Variants in LRP1 observed in about 807,000 individuals in gnomAD.
LRP1 encodes the protein LDL receptor related protein 1.
LRP1 carries 51 observed loss-of-function variants against 541.5 expected under a neutral mutation model. That is an observed-to-expected ratio of 0.09 (90% CI 0.08 to 0.12). The LOEUF (loss-of-function observed/expected upper bound fraction) is 0.12, where lower values mean the gene tolerates loss of function less well. Among genes scored for constraint, LRP1 ranks in the 10% least tolerant of loss-of-function variants. The pLI is 1.00. For missense variants in LRP1, 3,878 were observed against 6,376.2 expected (o/e 0.61, Z 13.34); for synonymous variants, 2,219 against 2,470.8 (o/e 0.90, Z 3.02).
In LRP1 at chr12:57,212,560, C is replaced by G; in HGVS notation, c.*5C>G. On this transcript the variant is annotated 3_prime_UTR_variant, in exon 89 of 89. Coordinates refer to ENST00000243077, the MANE Select transcript of LRP1 (RefSeq NM_002332.3). This position sits in a 1 kb window ranked among gnomAD's most constrained non-coding sequence, Gnocchi z 5.0. ...ATAGGGGACCCCTTGGCATAGGGCC[C>G]TGCCCCGTCGGACTGCCCCCAGAAA... 1 of 1,584,958 alleles carries G rather than the reference C, an allele frequency of 6.3e-7. No individual in the cohort carries two copies. Among genetic ancestry groups the G allele is most frequent in the Non-Finnish European group, 8.6e-7 (1 of 1,164,516 alleles).
intron 55 of LRP1, 35 bp downstream of exon 55, chr12:57,196,312 C>G (rs766741688): frequency 2.7e-6 from 4 of 1,503,792 alleles, no homozygotes; most frequent in Admixed American, 4.3e-5. Context: ...TTCCACACCC[C>G]AGACGTGCCA....
At position 57,208,213 on chromosome 12, in the gene LRP1, G is replaced by A. The variant is rs2036828264; in HGVS notation, c.12035G>A (p.Arg4012Lys). 6.8e-6 allele frequency: 11 copies of A among 1,613,240 alleles called. No individual in the cohort carries two copies. Among genetic ancestry groups the A allele is most frequent in the Non-Finnish European group, 5.9e-6 (7 of 1,179,662 alleles). ...EPHAIVVDPL[R>K]GTMYWSDWGN... ...CACGCCATTGTGGTGGACCCACTGA[G>A]GGGGTGGGCAAGGGCCCTGGGGGGA... The change falls in exon 77 of 89, where the codon AGG becomes AAG. Residue 4012 changes from arginine (R) to lysine (K), a missense_variant. By Grantham distance (26) the Arg-to-Lys change is conservative (BLOSUM62 2). Transcript: ENST00000243077.
Position 57,138,472 on chromosome 12 carries a change from C to T in LRP1, c.81C>T (p.Cys27=), listed in dbSNP as rs1184265713. 6.2e-7 allele frequency: 1 copy of T among 1,613,908 alleles called. No individual in the cohort carries two copies. The highest frequency in any genetic ancestry group is 8.5e-7 in the Non-Finnish European group (1 of 1,179,894). Residue 27 remains cysteine, a synonymous_variant, in exon 2 of 89, where the codon TGC becomes TGT. Transcript: ENST00000243077. ...VAAAIDAPKT[C]SPKQFACRDQ... is the part of the protein sequence containing the mutation. ...TCCTTGCCCTAGCCCCTAAGACTTG[C>T]AGCCCCAAGCAGTTTGCCTGCAGAG...
chr12:57,196,187 G>A lies in LRP1; in HGVS notation c.8802G>A (p.Ser2934=), dbSNP rs377543606. 20 of 1,612,292 alleles carry A rather than the reference G, an allele frequency of 1.2e-5. No individual in the cohort carries two copies. Among genetic ancestry groups the A allele is most frequent in the Admixed American group, 8.3e-5 (5 of 59,998 alleles). Residue 2934 remains serine (S), a synonymous_variant, in exon 55 of 89, where the codon TCG becomes TCA. Coordinates refer to ENST00000243077, the MANE Select transcript of LRP1 (RefSeq NM_002332.3). The stretch of plus-strand genomic sequence containing the variant: ...GCCAGGATGACTGTGGCGACAGCTC[G>A]GACGAGCGTGGCTGCCACATCAATG... ...CNGQDDCGDS[S]DERGCHINEC...
Position 57,178,671 on chromosome 12 carries a change from T to G in LRP1, c.4606+68T>G. 6.2e-7 allele frequency: 1 copy of G among 1,603,040 alleles called. No individual in the cohort carries two copies. The highest frequency in any genetic ancestry group is 1.3e-5 in the African/African-American group (1 of 74,736). On this transcript the variant is annotated intron_variant, in intron 27 of 88. Coordinates refer to ENST00000243077, the MANE Select transcript of LRP1 (RefSeq NM_002332.3). The surrounding 1 kb of genome is among the most constrained non-coding windows in gnomAD (Gnocchi z 5.8). ...GCCTCTTTAGAAGCTGTAGAAGCTC[T>G]TAGGAGAGGAGAGGGCAGTGAGAAC...
chr12:57,183,959 G>A lies in LRP1; in HGVS notation c.5929+50G>A. 6.2e-7 allele frequency: 1 copy of A among 1,611,574 alleles called. No individual in the cohort carries two copies. Among genetic ancestry groups the A allele is most frequent in the Non-Finnish European group, 8.5e-7 (1 of 1,178,344 alleles). ...GCTTGGGGTGTGGCAGAGGACTGGG[G>A]GACGAAGTGAGAGGAGGAGTTGGCG... On this transcript the variant is annotated intron_variant, in intron 36 of 88. Coordinates refer to ENST00000243077, the MANE Select transcript of LRP1 (RefSeq NM_002332.3). The surrounding 1 kb of genome is among the most constrained non-coding windows in gnomAD (Gnocchi z 6.1).
At chr12:57,157,236 C>T (rs2035639602) in intron 10 of LRP1, among the ~76,000 whole-genome samples, 1 of 152,230 alleles carries the variant, frequency 6.6e-6, no homozygotes, top group Admixed American at 6.5e-5. Context: ...GATGTTGTCC[C>T]TGGCCTCATG....
Position 57,165,700 on chromosome 12 carries a change from T to C in LRP1, c.2531-105T>C. On this transcript the variant is annotated intron_variant, in intron 15 of 88. Coordinates refer to ENST00000243077, the MANE Select transcript of LRP1 (RefSeq NM_002332.3). The surrounding 1 kb of genome is among the most constrained non-coding windows in gnomAD (Gnocchi z 4.5). The stretch of plus-strand genomic sequence containing the variant: ...TTTTGTACTAGAAAAAATTACTTTG[T>C]ATTATTAAAAAATAGTAAAACAAAC... 1 of 1,171,674 alleles carries C rather than the reference T, an allele frequency of 8.5e-7. No individual in the cohort carries two copies. Among genetic ancestry groups the C allele is most frequent in the Non-Finnish European group, 1.2e-6 (1 of 828,380 alleles). The allele number at this position is 1,171,674 out of a possible 1,614,324, so 72.6% of individuals were successfully genotyped here.
chr12:57,212,125 G>A lies in LRP1; in HGVS notation c.13358G>A (p.Gly4453Asp), dbSNP rs2036931902. 3.7e-6 allele frequency: 6 copies of A among 1,613,934 alleles called. No homozygotes were observed. In the East Asian group the frequency reaches 1.3e-4, roughly 36 times the overall value. ...CTCCTGCCTTTCCCCAGGGCTAAGGGCTTCCAGCACCAACGGATGACCAAC... is the reference window on the plus strand; with the variant it reads ...CTCCTGCCTTTCCCCAGGGCTAAGGACTTCCAGCACCAACGGATGACCAAC... ...WYKRRVQGAK[G>D]FQHQRMTNGA... The change falls in exon 88 of 89, where the codon GGC (glycine) becomes GAC (aspartate). Residue 4453 changes from glycine to aspartate, a missense_variant. Gly to Asp is a moderately conservative substitution (Grantham distance 94, BLOSUM62 -1). This residue lies in a region of LRP1 where 871 missense variants were observed against 1,212.4 expected (regional missense o/e 0.72). Coordinates refer to ENST00000243077, the MANE Select transcript of LRP1 (RefSeq NM_002332.3). This position sits in a 1 kb window ranked among gnomAD's most constrained non-coding sequence, Gnocchi z 5.0.
At chr12:57,132,729 T>C (rs995354645) in intron 1 of LRP1, among the ~76,000 whole-genome samples, 1 of 152,236 alleles carries the variant, frequency 6.6e-6, no homozygotes, top group Admixed American at 6.5e-5. Context: ...TGACATTCTC[T>C]GCCCTGCTTT....
At chr12:57,130,416 AC>A (rs1167149641) in intron 1 of LRP1, among the ~76,000 whole-genome samples, 1 of 150,496 alleles carries the variant, frequency 6.6e-6, no homozygotes, top group African/African-American at 2.4e-5. Flanking sequence ...GGGACTCTCT[AC>A]CCCCCACCCC....
intron 61 of LRP1, 107 bp downstream of exon 61, chr12:57,199,507 A>T: frequency 8.2e-7 from 1 of 1,212,860 alleles, no homozygotes; most frequent in Non-Finnish European, 1.2e-6. Flanking sequence ...TCCTGGCCAG[A>T]CACTGGGAGA....
intron 42 of LRP1, 90 bp from the exon 43 acceptor site, chr12:57,190,715 C>T (rs1800183): frequency 0.01 from 12,843 of 1,240,164 alleles, 106 homozygotes; most frequent in Non-Finnish European, 0.013. Flanking sequence ...GGCAGGCTTC[C>T]AGGTTCCAGG....
At chr12:57,195,841 C>T in intron 53 of LRP1, 22 bp from the exon 54 acceptor site, 1 of 1,614,016 alleles carries the variant, frequency 6.2e-7, no homozygotes. Flanking sequence ...GCATCAGCCT[C>T]ACAGGTCCAT....
intron 13 of LRP1, 116 bp downstream of exon 13, chr12:57,161,231 C>T: frequency 1.1e-6 from 1 of 917,746 alleles, no homozygotes; most frequent in South Asian, 1.5e-5. Context: ...GCCTGTGTGC[C>T]TCTATAGATG....
chr12:57,212,735 C>T lies in LRP1; in HGVS notation c.*180C>T. On this transcript the variant is annotated 3_prime_UTR_variant, in exon 89 of 89. Transcript: ENST00000243077. This position sits in a 1 kb window ranked among gnomAD's most constrained non-coding sequence, Gnocchi z 5.0. Reference sequence around the variant, plus strand: ...GGCAAGCGAGCACAGTATTATTTCTCCATCCCCTCCCTGCCTGCTCCTTGG... The same window carrying T: ...GGCAAGCGAGCACAGTATTATTTCTTCATCCCCTCCCTGCCTGCTCCTTGG... The T allele has an allele frequency of 1.5e-6, 1 of 652,862 alleles. No individual in the cohort carries two copies. Among genetic ancestry groups the T allele is most frequent in the Non-Finnish European group, 2.5e-6 (1 of 399,658 alleles). The allele number at this position is 652,862 out of a possible 1,614,324, so 40.4% of individuals were successfully genotyped here.
At position 57,177,959 on chromosome 12, in the gene LRP1, T is replaced by TC. The variant is rs2036083308; in HGVS notation, c.4361+368_4361+369insC. Among the ~76,000 whole-genome samples, 1 of 149,696 alleles carries TC rather than the reference T, an allele frequency of 6.7e-6. No homozygotes were observed. The highest frequency in any genetic ancestry group is 1.5e-5 in the Non-Finnish European group (1 of 67,144). On this transcript the variant is annotated intron_variant, in intron 26 of 88. Coordinates refer to ENST00000243077, the MANE Select transcript of LRP1 (RefSeq NM_002332.3). This position sits in a 1 kb window ranked among gnomAD's most constrained non-coding sequence, Gnocchi z 6.8. ...GCCTTTTTCTTTTCTTTTTTTTTTT[T>TC]TTTTTTTGAGACAGAGTCTCGCTCC...
chr12:57,161,618 C>A (rs1432081515), intron 13 of LRP1, among the ~76,000 whole-genome samples: 1 of 152,116 alleles, frequency 6.6e-6, no homozygotes, highest in Non-Finnish European at 1.5e-5. Context: ...CTCCCCACTT[C>A]CTTCATCCCA....
At chr12:57,140,820 C>T (rs996931018) in intron 2 of LRP1, among the ~76,000 whole-genome samples, 1 of 152,144 alleles carries the variant, frequency 6.6e-6, no homozygotes, top group African/African-American at 2.4e-5. Flanking sequence ...GCAACTTCTG[C>T]CTCCTGGGTT....
Sources: gnomAD v4.1 joint callset for allele counts (sites outside exome capture counted in the v4.1 genomes callset) on GRCh38, gnomAD v4.1.1 for gene constraint, gnomAD v4.1.1 regional missense constraint, Gnocchi (gnomAD v3.1) non-coding constraint, MANE v1.5 for transcripts, NCBI Gene and HGNC (gene_info 2026-07-23, HGNC 2026-07-21) for gene names.